Variants in METAP2 observed in about 807,000 individuals in gnomAD.
METAP2 encodes the protein methionine aminopeptidase 2.
In METAP2, 25 loss-of-function variants were observed where a neutral mutation model predicts 59.4. The ratio of observed to expected loss-of-function variants is 0.42; its 90% confidence interval spans 0.31 to 0.59. The LOEUF (loss-of-function observed/expected upper bound fraction) is 0.59. METAP2 is among the 20% of genes least tolerant of loss of function. The pLI, the probability that METAP2 is intolerant of heterozygous loss-of-function variation, is 0.16. For missense variants in METAP2, 366 were observed against 581.2 expected, an observed-to-expected ratio of 0.63 and a Z score of 3.81; for synonymous variants, 214 against 194.1, an observed-to-expected ratio of 1.10 and a Z score of -0.85.
intron 4 of METAP2, among the ~76,000 whole-genome samples, chr12:95,493,843 G>A (rs943133260): frequency 2.0e-5 from 3 of 152,074 alleles, no homozygotes; most frequent in Non-Finnish European, 2.9e-5. Flanking sequence ...CTCACATGAG[G>A]GTTTTTTTCC....
At position 95,496,017 on chromosome 12, in the gene METAP2, C is replaced by A; in HGVS notation, c.786C>A (p.Asp262Glu). Residue 262 changes from aspartate (D) to glutamate (E), a missense_variant, in exon 7 of 11, where the codon GAC (aspartate) becomes GAA (glutamate). Coordinates refer to ENST00000323666, the MANE Select transcript of METAP2 (RefSeq NM_006838.4). Reference sequence around the variant, plus strand: ...TTTCTCTTTCAGGTAGGATTATTGACTGTGCTTTTACTGTCACTTTTAATC... The same window carrying A: ...TTTCTCTTTCAGGTAGGATTATTGAATGTGCTTTTACTGTCACTTTTAATC... ...FGTHISGRIIDCAFTVTFNPK... is the reference protein window; with the variant it reads ...FGTHISGRIIECAFTVTFNPK... The A allele has an allele frequency of 6.3e-7, 1 of 1,586,778 alleles. No homozygotes were observed. Among genetic ancestry groups the A allele is most frequent in the Non-Finnish European group, 8.6e-7 (1 of 1,159,772 alleles).
In METAP2 at chr12:95,513,844, A is replaced by G. The variant is rs1346238801; in HGVS notation, c.1377A>G (p.Glu459=). 1 of 1,614,224 alleles carries G rather than the reference A, an allele frequency of 6.2e-7. No individual in the cohort carries two copies. The highest frequency in any genetic ancestry group is 8.5e-7 in the Non-Finnish European group (1 of 1,180,036). Residue 459 remains glutamate (E), a synonymous_variant, in exon 11 of 11, where the codon GAA becomes GAG. Coordinates refer to ENST00000323666, the MANE Select transcript of METAP2 (RefSeq NM_006838.4). ...DIKGSYTAQF[E]HTILLRPTCK... ...AAGGATCATATACAGCGCAATTTGA[A>G]CATACCATCCTGTTGCGTCCAACAT...
chr12:95,513,488 G>T (rs1238421616), intron 10 of METAP2, among the ~76,000 whole-genome samples, 164 bp from the exon 11 acceptor site: 2 of 152,158 alleles, frequency 1.3e-5, no homozygotes, highest in Admixed American at 1.3e-4. Context: ...CTATAATTAG[G>T]TATGGGCTAT....
rs200172420 is a variant in METAP2 at position 95,490,537 on chromosome 12, ACT to A, written c.429-3516_429-3515del. Among the ~76,000 whole-genome samples, 514 of 144,750 alleles carry A rather than the reference ACT, an allele frequency of 3.6e-3. 1 individual carries two copies. Among genetic ancestry groups the A allele is most frequent in the African/African-American group, 0.013 (502 of 39,130 alleles). 95.0% of individuals were successfully genotyped at this position (144,750 alleles called of 152,430 possible). On this transcript the variant is annotated intron_variant, in intron 4 of 10. Coordinates refer to ENST00000323666, the MANE Select transcript of METAP2 (RefSeq NM_006838.4). ...GTGTATCCAGATGACTGTTGTGAAC[ACT>A]CTTCTCACACATAGCTTGAAGCCTG... is the stretch of plus-strand genomic sequence containing the variant.
intron 7 of METAP2, among the ~76,000 whole-genome samples, chr12:95,499,833 G>A (rs11522874): frequency 0.045 from 6,911 of 152,222 alleles, 218 homozygotes; most frequent in Non-Finnish European, 0.067. Context: ...AAGGCAAAGG[G>A]AAAGCAAAGA....
chr12:95,479,585 T>TA (rs2076144054), intron 2 of METAP2, among the ~76,000 whole-genome samples: 1 of 152,026 alleles, frequency 6.6e-6, no homozygotes, highest in African/African-American at 2.4e-5. Context: ...CATTAACATA[T>TA]AATTTCCCTA....
In METAP2 at chr12:95,483,110, G is replaced by A. The variant is rs528246249; in HGVS notation, c.260-105G>A. The A allele has an allele frequency of 1.9e-4, 165 of 848,512 alleles. 1 individual carries two copies. The South Asian group carries it at 2.2e-3, about 11-fold the overall frequency. 52.6% of individuals were successfully genotyped at this position (848,512 alleles called of 1,614,324 possible). A position where few individuals can be genotyped will look rare whatever the true frequency, so the allele number is the denominator to read the frequency against. ...TGTAAACAAGATAAAATAAACTAAC[G>A]TTTGTTCATTTATTGAATAGAGCAA... On this transcript the variant is annotated intron_variant, in intron 2 of 10. Transcript: ENST00000323666.
intron 4 of METAP2, 113 bp from the exon 5 acceptor site, chr12:95,493,943 A>G: frequency 1.2e-6 from 1 of 810,210 alleles, no homozygotes; most frequent in Non-Finnish European, 1.8e-6. Flanking sequence ...ATTGACATAA[A>G]CTGAATATGT....
chr12:95,506,057 A>G (rs544456931), intron 8 of METAP2, among the ~76,000 whole-genome samples: 15 of 151,630 alleles, frequency 9.9e-5, no homozygotes, highest in Admixed American at 6.5e-4. Flanking sequence ...AGATTGCACC[A>G]TTGCACTCCA....
intron 4 of METAP2, among the ~76,000 whole-genome samples, chr12:95,492,595 T>C (rs1490335610): frequency 6.6e-6 from 1 of 152,154 alleles, no homozygotes; most frequent in Non-Finnish European, 1.5e-5. Flanking sequence ...AGACAGGGTC[T>C]TGGTCTGTTG....
intron 3 of METAP2, 60 bp downstream of exon 3, chr12:95,483,340 G>T: frequency 1.5e-6 from 2 of 1,335,186 alleles, no homozygotes. Context: ...GTCGGGTGTG[G>T]TGGCTCACAC....
chr12:95,513,812 G>A lies in METAP2; in HGVS notation c.1345G>A (p.Asp449Asn). 1 of 1,614,174 alleles carries A rather than the reference G, an allele frequency of 6.2e-7. No homozygotes were observed. The highest frequency in any genetic ancestry group is 8.5e-7 in the Non-Finnish European group (1 of 1,180,040). The change falls in exon 11 of 11, where the codon GAC (aspartate) becomes AAC (asparagine). Residue 449 changes from aspartate (D) to asparagine (N), a missense_variant. Asp to Asn is a conservative substitution (Grantham distance 23, BLOSUM62 1). Transcript: ENST00000323666. The stretch of plus-strand genomic sequence containing the variant: ...TGTAGATCCATATCCACCATTATGT[G>A]ACATTAAAGGATCATATACAGCGCA... ...GIVDPYPPLC[D>N]IKGSYTAQFE...
intron 7 of METAP2, among the ~76,000 whole-genome samples, chr12:95,496,821 C>CTTTTTTTT (rs777002045): frequency 8.9e-5 from 9 of 100,938 alleles, no homozygotes; most frequent in Non-Finnish European, 9.7e-5. Flanking sequence ...CTTTTTCTTT[C>CTTTTTTTT]TTTTTTTTTT....
intron 5 of METAP2, 83 bp from the exon 6 acceptor site, chr12:95,494,874 C>G (rs1363094243): frequency 5.3e-6 from 6 of 1,128,968 alleles, no homozygotes; most frequent in Non-Finnish European, 7.3e-6. Context: ...AGTAAACTTT[C>G]TGGACTTGAT....
intron 8 of METAP2, among the ~76,000 whole-genome samples, chr12:95,505,738 G>A (rs75707037): frequency 9.3e-5 from 14 of 151,246 alleles, no homozygotes; most frequent in South Asian, 4.2e-4. Context: ...CAGGTGATCC[G>A]CCCACCTCGG....
chr12:95,501,132 C>T (rs545715827), intron 7 of METAP2, among the ~76,000 whole-genome samples: 2 of 151,724 alleles, frequency 1.3e-5, no homozygotes, highest in African/African-American at 4.8e-5. Context: ...TGCCTCAGCT[C>T]CCAAGTAGCC....
At position 95,483,369 on chromosome 12, in the gene METAP2, C is replaced by T. The variant is rs767316369; in HGVS notation, c.325+89C>T. ...CTCACACCTGTGATCCCAGCTACTCCGGAGGCTGAGGCAGGAGAATTGCTG... is the reference window on the plus strand; with the variant it reads ...CTCACACCTGTGATCCCAGCTACTCTGGAGGCTGAGGCAGGAGAATTGCTG... On this transcript the variant is annotated intron_variant, in intron 3 of 10. Coordinates refer to ENST00000323666, the MANE Select transcript of METAP2 (RefSeq NM_006838.4). 1.3e-4 allele frequency: 133 copies of T among 985,486 alleles called. 2 individuals are homozygous for T. In the Middle Eastern group the frequency reaches 1.9e-3, roughly 14 times the overall value. The allele number at this position is 985,486 out of a possible 1,614,324, so 61.0% of individuals were successfully genotyped here. A position where few individuals can be genotyped will look rare whatever the true frequency, so the allele number is the denominator to read the frequency against.
Position 95,510,136 on chromosome 12 carries a change from C to T in METAP2, c.965-1759C>T, listed in dbSNP as rs188264680. On this transcript the variant is annotated intron_variant, in intron 8 of 10. Transcript: ENST00000323666. The stretch of plus-strand genomic sequence containing the variant: ...ACAGGCGTGAGCCACTGCACCTGGC[C>T]GTTTTTAGCCCTTTTTTAAAATTTG... Among the ~76,000 whole-genome samples the T allele has an allele frequency of 5.0e-3, 759 of 152,244 alleles. 3 individuals carry two copies. The highest frequency in any genetic ancestry group is 7.8e-3 in the Non-Finnish European group (530 of 68,006).
At chr12:95,479,840 C>G (rs988472006) in intron 2 of METAP2, among the ~76,000 whole-genome samples, 4 of 152,134 alleles carry the variant, frequency 2.6e-5, no homozygotes, top group African/African-American at 4.8e-5. Flanking sequence ...AACTCCTGGC[C>G]TCAAGTGATC....
Sources: allele counts gnomAD v4.1 joint callset (sites outside exome capture counted in the v4.1 genomes callset), GRCh38; gene constraint gnomAD v4.1.1; transcripts MANE v1.5; gene names NCBI Gene and HGNC (gene_info 2026-07-23, HGNC 2026-07-21).